Variants in FAM171B observed in about 807,000 individuals in gnomAD.
The protein encoded by FAM171B is family with sequence similarity 171 member B.
FAM171B carries 19 observed loss-of-function variants against 75.6 expected under a neutral mutation model. That is an observed-to-expected ratio of 0.25 (90% CI 0.18 to 0.37). FAM171B has a LOEUF of 0.37. FAM171B is among the 10% of genes least tolerant of loss of function. FAM171B has a pLI of 1.00. For missense variants in FAM171B, 848 were observed against 982.4 expected, an observed-to-expected ratio of 0.86 and a Z score of 1.83; for synonymous variants, 367 against 361.7, an observed-to-expected ratio of 1.01 and a Z score of -0.17.
chr2:186,710,332 A>T (rs1266439723), intron 1 of FAM171B, among the ~76,000 whole-genome samples: 1 of 152,176 alleles, frequency 6.6e-6, no homozygotes, highest in African/African-American at 2.4e-5. Flanking sequence ...TGCCACTTGC[A>T]CCACCATTCA....
At chr2:186,716,572 A>G (rs1307385493) in intron 1 of FAM171B, among the ~76,000 whole-genome samples, 1 of 152,170 alleles carries the variant, frequency 6.6e-6, no homozygotes, top group Non-Finnish European at 1.5e-5. Flanking sequence ...ATTGCATTGT[A>G]TATATAAGCC....
At chr2:186,723,256 C>T (rs939967987) in intron 1 of FAM171B, among the ~76,000 whole-genome samples, 45 of 152,094 alleles carry the variant, frequency 3.0e-4, no homozygotes, top group African/African-American at 1.1e-3. Flanking sequence ...TGTTGATTCC[C>T]CAAAGGTCCT....
chr2:186,709,910 T>C (rs1689786819), intron 1 of FAM171B, among the ~76,000 whole-genome samples: 1 of 152,218 alleles, frequency 6.6e-6, no homozygotes, highest in Non-Finnish European at 1.5e-5. Flanking sequence ...ATTGGAAAGT[T>C]CATGAAAACT....
intron 1 of FAM171B, among the ~76,000 whole-genome samples, chr2:186,729,475 A>T (rs1478469855): frequency 6.6e-6 from 1 of 151,958 alleles, no homozygotes; most frequent in African/African-American, 2.4e-5. Flanking sequence ...GAGGATTATT[A>T]GGGATATATA....
intron 2 of FAM171B, 42 bp downstream of exon 2, chr2:186,740,503 T>G (rs1278689410): frequency 6.7e-7 from 1 of 1,485,692 alleles, no homozygotes; most frequent in African/African-American, 1.4e-5. Flanking sequence ...TTTTGCTAAA[T>G]GTAAATGAAT....
intron 1 of FAM171B, among the ~76,000 whole-genome samples, chr2:186,699,583 C>G (rs1689628714): frequency 6.6e-6 from 1 of 152,150 alleles, no homozygotes; most frequent in Non-Finnish European, 1.5e-5. Context: ...TGGGTTATCT[C>G]TTCACTTTGT....
intron 2 of FAM171B, among the ~76,000 whole-genome samples, chr2:186,741,078 A>T (rs547000956): frequency 5.3e-4 from 81 of 152,296 alleles, no homozygotes; most frequent in African/African-American, 1.8e-3. Context: ...TATAAGTTGT[A>T]TTATGGTACA....
At chr2:186,733,820 G>A (rs1006684220) in intron 1 of FAM171B, among the ~76,000 whole-genome samples, 3 of 152,200 alleles carry the variant, frequency 2.0e-5, no homozygotes, top group South Asian at 4.1e-4. Flanking sequence ...ACTGGGGAAC[G>A]CAGTGGCACC....
At chr2:186,747,930 T>G (rs1690391286) in intron 4 of FAM171B, among the ~76,000 whole-genome samples, 2 of 152,260 alleles carry the variant, frequency 1.3e-5, no homozygotes, top group Admixed American at 1.3e-4. Flanking sequence ...CCACCATTTT[T>G]TTTTTCTTTT....
intron 1 of FAM171B, among the ~76,000 whole-genome samples, chr2:186,697,749 A>T (rs755084311): frequency 1.8e-4 from 27 of 152,302 alleles, no homozygotes; most frequent in Non-Finnish European, 3.2e-4. Context: ...CTGATATATG[A>T]CTAAGCCTTA....
chr2:186,732,678 A>G (rs1026567689), intron 1 of FAM171B, among the ~76,000 whole-genome samples: 1 of 152,160 alleles, frequency 6.6e-6, no homozygotes, highest in Admixed American at 6.5e-5. Flanking sequence ...TACTTCTGTG[A>G]TTCTTCCTGC....
intron 6 of FAM171B, among the ~76,000 whole-genome samples, chr2:186,757,733 C>T (rs1190680514): frequency 6.6e-6 from 1 of 152,122 alleles, no homozygotes; most frequent in African/African-American, 2.4e-5. Context: ...TCTAGACATG[C>T]ATGCACACAC....
intron 3 of FAM171B, 100 bp downstream of exon 3, chr2:186,743,675 C>A (rs1016520789): frequency 2.6e-5 from 21 of 813,190 alleles, no homozygotes; most frequent in Non-Finnish European, 1.0e-5. Flanking sequence ...TGAGAAAAAT[C>A]TAAATTGATC....
intron 1 of FAM171B, among the ~76,000 whole-genome samples, chr2:186,705,239 G>C (rs1689718455): frequency 6.6e-6 from 1 of 152,208 alleles, no homozygotes; most frequent in Non-Finnish European, 1.5e-5. Flanking sequence ...GGTTTATGCA[G>C]ATATTTCTAG....
chr2:186,712,775 A>C (rs1689826907), intron 1 of FAM171B, among the ~76,000 whole-genome samples: 1 of 152,038 alleles, frequency 6.6e-6, no homozygotes, highest in African/African-American at 2.4e-5. Context: ...TCCTGCTCAC[A>C]TTCTTTTTCT....
At chr2:186,697,387 C>T (rs1353731279) in intron 1 of FAM171B, among the ~76,000 whole-genome samples, 3 of 151,932 alleles carry the variant, frequency 2.0e-5, no homozygotes, top group Admixed American at 1.3e-4. Context: ...ACTACAGATG[C>T]GTGCCGCTGG....
At chr2:186,699,727 G>GT (rs1265605107) in intron 1 of FAM171B, among the ~76,000 whole-genome samples, 1 of 152,066 alleles carries the variant, frequency 6.6e-6, no homozygotes, top group Non-Finnish European at 1.5e-5. Flanking sequence ...TTTCCCCAGT[G>GT]TTTTTTTGTG....
rs1020346318 is a variant in FAM171B, at chr2:186,765,040, C to A, written c.*2217C>A. The A allele has an allele frequency of 1.1e-4, 16 of 151,892 alleles. No homozygotes were observed. Among genetic ancestry groups the A allele is most frequent in the Middle Eastern group, 3.4e-3 (1 of 292 alleles). 9.4% of individuals were successfully genotyped at this position (151,892 alleles called of 1,614,324 possible). On this transcript the variant is annotated 3_prime_UTR_variant, in exon 8 of 8. Transcript: ENST00000304698. ...TACTTGTTTGCTTTCAGAATAAAAC[C>A]TTATTATTTTTTACACTGCACATGC...
At chr2:186,700,816 A>G (rs551622627) in intron 1 of FAM171B, among the ~76,000 whole-genome samples, 1 of 152,320 alleles carries the variant, frequency 6.6e-6, no homozygotes, top group Non-Finnish European at 1.5e-5. Flanking sequence ...CCAATATTCT[A>G]TGTAGCAGGA....
Sources: allele counts gnomAD v4.1 joint callset (sites outside exome capture counted in the v4.1 genomes callset), GRCh38; gene constraint gnomAD v4.1.1; transcripts MANE v1.5; gene names NCBI Gene and HGNC (gene_info 2026-07-23, HGNC 2026-07-21).